UVRAG: variants seen among roughly 807,000 people sequenced by gnomAD.
UVRAG encodes the protein UV radiation resistance associated.
A neutral mutation model predicts 78.0 loss-of-function variants in UVRAG; 19 were observed. The ratio of observed to expected loss-of-function variants is 0.24; its 90% CI spans 0.17 to 0.36. UVRAG has a LOEUF of 0.36. Ranked by LOEUF, UVRAG falls within the 10% of genes least tolerant of loss-of-function variation. The pLI is 1.00. For synonymous variants in UVRAG, 323 were observed against 324.6 expected, an observed-to-expected ratio of 1.00 and a Z score of 0.05; for missense variants, 740 against 853.8, an observed-to-expected ratio of 0.87 and a Z score of 1.66.
intron 12 of UVRAG, among the ~76,000 whole-genome samples, chr11:76,064,082 AG>A (rs1209933955): frequency 6.6e-6 from 1 of 152,236 alleles, no homozygotes; most frequent in East Asian, 1.9e-4. Flanking sequence ...GTCCCACTGA[AG>A]TCATAATAAA....
intron 12 of UVRAG, among the ~76,000 whole-genome samples, chr11:76,028,777 A>T (rs921743339): frequency 3.3e-5 from 5 of 152,180 alleles, no homozygotes; most frequent in Admixed American, 2.0e-4. Context: ...GTTTAAGGAA[A>T]GAAGCCATCC....
intron 13 of UVRAG, among the ~76,000 whole-genome samples, chr11:76,086,018 A>G (rs1189817960): frequency 1.3e-5 from 2 of 152,162 alleles, no homozygotes; most frequent in African/African-American, 4.8e-5. Context: ...TCCCAGTTCC[A>G]TAGTATGCAA....
chr11:75,988,827 C>T (rs924121582), intron 8 of UVRAG, among the ~76,000 whole-genome samples: 1 of 152,102 alleles, frequency 6.6e-6, no homozygotes, highest in African/African-American at 2.4e-5. Flanking sequence ...GGCTGAGCAT[C>T]TTTTCTTGTG....
rs190467207 is a variant in UVRAG, at chr11:76,065,084, T to A, written c.1227-626T>A. On this transcript the variant is annotated intron_variant, in intron 12 of 14. Coordinates refer to ENST00000356136, the MANE Select transcript of UVRAG (RefSeq NM_003369.4). ...CTCATTATCTTTATGAAGATCCAGATCTCATGCCTTTGTTGCTCCAGTGAG... is the reference window on the plus strand; with the variant it reads ...CTCATTATCTTTATGAAGATCCAGAACTCATGCCTTTGTTGCTCCAGTGAG... 6.6e-5 allele frequency among the ~76,000 whole-genome samples: 10 copies of A among 152,344 alleles called. No individual in the cohort carries two copies. In the East Asian group the frequency reaches 1.9e-3, roughly 29 times the overall value.
At chr11:75,977,763 GTC>G (rs773260045) in intron 7 of UVRAG, among the ~76,000 whole-genome samples, 6 of 152,118 alleles carry the variant, frequency 3.9e-5, no homozygotes, top group Non-Finnish European at 5.9e-5. Context: ...GCCTATGTGT[GTC>G]TCTGCACGTG....
Position 75,846,766 on chromosome 11 carries a change from A to G in UVRAG, c.118-5117A>G, listed in dbSNP as rs541871985. ...CGTCTGTTTGTCTCTTCTTTTGCCA[A>G]TACCATCCTGCCTTGATTACTGTAG... On this transcript the variant is annotated intron_variant, in intron 1 of 14. Transcript: ENST00000356136. 3.3e-5 allele frequency among the ~76,000 whole-genome samples: 5 copies of G among 152,136 alleles called. No homozygotes were observed. In the South Asian group the frequency reaches 8.3e-4, roughly 25 times the overall value.
At chr11:75,978,343 G>T (rs1426858204) in intron 7 of UVRAG, among the ~76,000 whole-genome samples, 1 of 152,090 alleles carries the variant, frequency 6.6e-6, no homozygotes, top group Non-Finnish European at 1.5e-5. Flanking sequence ...ACAATTATGT[G>T]TCTTGGAGTT....
intron 11 of UVRAG, among the ~76,000 whole-genome samples, chr11:76,011,582 C>T (rs140144721): frequency 0.011 from 1,651 of 152,254 alleles, 15 homozygotes; most frequent in Middle Eastern, 0.031. Flanking sequence ...TGAGATTGCA[C>T]CACTGCACTC....
At chr11:75,918,410 C>A (rs571356864) in intron 6 of UVRAG, among the ~76,000 whole-genome samples, 90 of 151,048 alleles carry the variant, frequency 6.0e-4, no homozygotes, top group Non-Finnish European at 1.0e-3. Flanking sequence ...CATGAATTTT[C>A]TTACTCGCTG....
intron 13 of UVRAG, among the ~76,000 whole-genome samples, chr11:76,101,130 T>C (rs1565161303): frequency 6.6e-6 from 1 of 152,204 alleles, no homozygotes; most frequent in Non-Finnish European, 1.5e-5. Flanking sequence ...TACCCAATAA[T>C]TGAATTTCTG....
chr11:76,102,387 T>G (rs1298189783), intron 13 of UVRAG, among the ~76,000 whole-genome samples: 2 of 152,166 alleles, frequency 1.3e-5, no homozygotes, highest in Admixed American at 6.6e-5. Flanking sequence ...TGGCTGTTGT[T>G]GGGAATGCTA....
At chr11:75,893,572 A>C (rs575741287) in intron 5 of UVRAG, among the ~76,000 whole-genome samples, 1 of 151,142 alleles carries the variant, frequency 6.6e-6, no homozygotes, top group Non-Finnish European at 1.5e-5. Flanking sequence ...TAGGTCTTCA[A>C]TGCGCTGTTA....
At chr11:76,043,488 A>G (rs1481171716) in intron 12 of UVRAG, among the ~76,000 whole-genome samples, 1 of 152,188 alleles carries the variant, frequency 6.6e-6, no homozygotes, top group African/African-American at 2.4e-5. Context: ...ATATATTGGT[A>G]TGTGTCTTCA....
chr11:76,058,172 C>T (rs1265012501), intron 12 of UVRAG, among the ~76,000 whole-genome samples: 3 of 152,038 alleles, frequency 2.0e-5, no homozygotes, highest in African/African-American at 7.3e-5. Flanking sequence ...AGAGTTAACT[C>T]ACAATTTACT....
intron 10 of UVRAG, among the ~76,000 whole-genome samples, chr11:76,008,084 T>C (rs1479199769): frequency 6.6e-6 from 1 of 152,062 alleles, no homozygotes; most frequent in Non-Finnish European, 1.5e-5. Flanking sequence ...CTAATTTTTT[T>C]GTATTTTTAG....
chr11:76,091,329 G>A (rs1362761489), intron 13 of UVRAG, among the ~76,000 whole-genome samples: 1 of 152,156 alleles, frequency 6.6e-6, no homozygotes, highest in Non-Finnish European at 1.5e-5. Context: ...TGTGCCCAAT[G>A]TTCTGAAATC....
At chr11:76,091,901 T>C (rs1951705339) in intron 13 of UVRAG, among the ~76,000 whole-genome samples, 1 of 152,128 alleles carries the variant, frequency 6.6e-6, no homozygotes, top group African/African-American at 2.4e-5. Flanking sequence ...TTGTTACATA[T>C]GTATACATGT....
intron 12 of UVRAG, among the ~76,000 whole-genome samples, chr11:76,045,899 AAG>A (rs1363703633): frequency 2.0e-5 from 3 of 152,190 alleles, no homozygotes; most frequent in Admixed American, 1.3e-4. Flanking sequence ...TTCAAATGGA[AAG>A]AGTCGAGCCC....
chr11:75,984,347 A>G (rs1949453439), intron 8 of UVRAG, among the ~76,000 whole-genome samples: 1 of 152,204 alleles, frequency 6.6e-6, no homozygotes, highest in Non-Finnish European at 1.5e-5. Context: ...TGTGTACGGT[A>G]TTCAATGCTG....
Sources: allele counts gnomAD v4.1 joint callset (sites outside exome capture counted in the v4.1 genomes callset), GRCh38; gene constraint gnomAD v4.1.1; transcripts MANE v1.5; gene names NCBI Gene and HGNC (gene_info 2026-07-23, HGNC 2026-07-21).